KDM4C: variants seen among roughly 807,000 people sequenced by gnomAD.
KDM4C encodes the protein lysine-specific demethylase 4C.
A neutral mutation model predicts 129.3 loss-of-function variants in KDM4C; 81 were observed. The ratio of observed to expected loss-of-function variants is 0.63; its 90% CI spans 0.52 to 0.75. KDM4C has a LOEUF of 0.75. KDM4C is among the 30% of genes least tolerant of loss of function. KDM4C has a pLI of 0.00. For missense variants in KDM4C, 1,457 were observed against 1,304.0 expected (o/e 1.12, Z -1.81); for synonymous variants, 573 against 456.1 (o/e 1.26, Z -3.26).
rs1349410323 is a variant in KDM4C at position 6,980,938 on chromosome 9, A to G, written c.935A>G (p.Lys312Arg). The G allele has an allele frequency of 6.2e-7, 1 of 1,613,626 alleles. No individual in the cohort carries two copies. Among genetic ancestry groups the G allele is most frequent in the South Asian group, 1.1e-5 (1 of 91,030 alleles). Residue 312 changes from lysine to arginine, a missense_variant, in exon 9 of 22, where the codon AAA (lysine) becomes AGA (arginine). Transcript: ENST00000381309. ...GTTGTGTTTCAGTGCACTTGCAGGA[A>G]AGACATGGTGAAGATTTCAATGGAT... Reference protein sequence around the residue: ...GKVAKLCTCRKDMVKISMDIF... With the variant: ...GKVAKLCTCRRDMVKISMDIF...
At chr9:7,027,973 C>T (rs1012699531) in intron 15 of KDM4C, among the ~76,000 whole-genome samples, 1 of 152,264 alleles carries the variant, frequency 6.6e-6, no homozygotes, top group East Asian at 1.9e-4. Context: ...CAGCCTGGGA[C>T]TCACCCTTCG....
intron 17 of KDM4C, among the ~76,000 whole-genome samples, chr9:7,096,712 A>G (rs1447572651): frequency 6.6e-6 from 1 of 152,098 alleles, no homozygotes; most frequent in Non-Finnish European, 1.5e-5. Context: ...TAAAGGAGCA[A>G]AAGATGGACA....
At chr9:6,731,169 G>T (rs1246961475) in intron 1 of KDM4C, among the ~76,000 whole-genome samples, 1 of 152,062 alleles carries the variant, frequency 6.6e-6, no homozygotes, top group East Asian at 1.9e-4. Context: ...TTTGCAAGGT[G>T]GGAACAAGGA....
chr9:7,147,126 C>A (rs1842289212), intron 19 of KDM4C, among the ~76,000 whole-genome samples: 1 of 152,144 alleles, frequency 6.6e-6, no homozygotes, highest in African/African-American at 2.4e-5. Flanking sequence ...AATGAGAAAA[C>A]CAGGACATAA....
intron 15 of KDM4C, among the ~76,000 whole-genome samples, chr9:7,032,706 C>G (rs1173276124): frequency 3.3e-5 from 5 of 152,164 alleles, no homozygotes; most frequent in Non-Finnish European, 7.4e-5. Flanking sequence ...AACCAGGATG[C>G]CAGACCATCT....
At chr9:6,855,546 C>T (rs572840779) in intron 5 of KDM4C, among the ~76,000 whole-genome samples, 6 of 150,788 alleles carry the variant, frequency 4.0e-5, no homozygotes, top group African/African-American at 1.5e-4. Flanking sequence ...AAACCAGAGG[C>T]ATGGCTCAGT....
intron 1 of KDM4C, among the ~76,000 whole-genome samples, chr9:6,790,682 A>AAAAGAAG (rs71315564): frequency 8.8e-6 from 1 of 113,170 alleles, no homozygotes; most frequent in Non-Finnish European, 1.8e-5. Flanking sequence ...AAAAAAAAAA[A>AAAAGAAG]GAGGAAAACT....
intron 2 of KDM4C, among the ~76,000 whole-genome samples, chr9:6,803,698 A>G (rs1023512634): frequency 2.6e-5 from 4 of 151,714 alleles, no homozygotes; most frequent in Non-Finnish European, 5.9e-5. Context: ...AGTTGAGCTC[A>G]GGAATTTGAG....
intron 5 of KDM4C, among the ~76,000 whole-genome samples, chr9:6,868,259 A>G (rs1362767836): frequency 1.3e-5 from 2 of 152,016 alleles, no homozygotes; most frequent in Non-Finnish European, 2.9e-5. Context: ...TAGGTGAACT[A>G]GAGACACTCT....
At chr9:6,934,455 G>T (rs910700314) in intron 8 of KDM4C, among the ~76,000 whole-genome samples, 4 of 150,862 alleles carry the variant, frequency 2.7e-5, no homozygotes, top group African/African-American at 9.8e-5. Context: ...ACTCGAGACT[G>T]GGTGACAGAG....
chr9:6,950,256 C>G (rs951730708), intron 8 of KDM4C, among the ~76,000 whole-genome samples: 7 of 152,088 alleles, frequency 4.6e-5, no homozygotes, highest in Non-Finnish European at 7.4e-5. Context: ...TTGATGTGAA[C>G]TATTCTTTCT....
intron 15 of KDM4C, among the ~76,000 whole-genome samples, chr9:7,036,188 A>G (rs1034376056): frequency 1.3e-5 from 2 of 152,144 alleles, no homozygotes; most frequent in South Asian, 4.1e-4. Context: ...TTTCTCTTAT[A>G]GTGGTCTTTC....
chr9:6,869,029 G>A (rs1418569577), intron 5 of KDM4C, among the ~76,000 whole-genome samples: 1 of 152,008 alleles, frequency 6.6e-6, no homozygotes, highest in Non-Finnish European at 1.5e-5. Flanking sequence ...GTTAGGTAAT[G>A]GTAACTTACT....
chr9:7,055,712 G>A (rs186530779), intron 17 of KDM4C, among the ~76,000 whole-genome samples: 16 of 152,268 alleles, frequency 1.1e-4, no homozygotes, highest in Non-Finnish European at 2.1e-4. Flanking sequence ...AGACGAAGGC[G>A]CATGTTCTCT....
chr9:6,750,924 C>T (rs1588066262), intron 1 of KDM4C, among the ~76,000 whole-genome samples: 1 of 152,290 alleles, frequency 6.6e-6, no homozygotes, highest in South Asian at 2.1e-4. Context: ...TCAAGATGGC[C>T]TCACTTACCC....
intron 19 of KDM4C, among the ~76,000 whole-genome samples, chr9:7,157,976 G>C (rs146860202): frequency 6.6e-6 from 1 of 152,092 alleles, no homozygotes; most frequent in Admixed American, 6.5e-5. Context: ...CTGTGAATCC[G>C]TCTGGTCCTG....
chr9:6,790,908 G>A (rs998494354), intron 1 of KDM4C, among the ~76,000 whole-genome samples: 2 of 152,082 alleles, frequency 1.3e-5, no homozygotes, highest in Non-Finnish European at 2.9e-5. Context: ...TGTTTTCATA[G>A]TAAAACCTGC....
chr9:6,811,671 G>A (rs1012230962), intron 3 of KDM4C, among the ~76,000 whole-genome samples: 1 of 152,194 alleles, frequency 6.6e-6, no homozygotes, highest in African/African-American at 2.4e-5. Context: ...ATAATTATCT[G>A]ATGGAGCCCT....
At chr9:6,778,830 T>C (rs1823668475) in intron 1 of KDM4C, among the ~76,000 whole-genome samples, 1 of 124,348 alleles carries the variant, frequency 8.0e-6, no homozygotes, top group Non-Finnish European at 1.7e-5. Flanking sequence ...TTTTTTTTTT[T>C]TAATTATGAG....
Sources: gnomAD v4.1 joint callset for allele counts (sites outside exome capture counted in the v4.1 genomes callset) on GRCh38, gnomAD v4.1.1 for gene constraint, MANE v1.5 for transcripts, NCBI Gene and HGNC (gene_info 2026-07-23, HGNC 2026-07-21) for gene names.